Variants in FLNC observed in about 807,000 individuals in gnomAD.
FLNC encodes filamin-C.
A neutral mutation model predicts 254.3 loss-of-function variants in FLNC; 91 were observed. That is an observed-to-expected ratio of 0.36 (90% CI 0.30 to 0.43). The LOEUF is 0.43. Among genes scored for constraint, FLNC ranks in the 20% least tolerant of loss-of-function variants. The probability of loss-of-function intolerance (pLI) is 1.00; values close to 1 mark genes in which losing one functional copy is unlikely to be tolerated. For missense variants in FLNC, 2,853 were observed against 3,802.6 expected, an observed-to-expected ratio of 0.75 and a Z score of 6.57; for synonymous variants, 1,430 against 1,577.2, an observed-to-expected ratio of 0.91 and a Z score of 2.21.
In FLNC at chr7:128,856,071, C is replaced by T. The variant is rs1405618914; in HGVS notation, c.7252-447C>T. ...TCCCCGATGCAGGCTCCAATCCCTC[C>T]CCCAGAGCCCTTCTGTGCTTCTTCT... On this transcript the variant is annotated intron_variant, in intron 43 of 47. Coordinates refer to ENST00000325888, the MANE Select transcript of FLNC (RefSeq NM_001458.5). The surrounding 1 kb of genome is among the most constrained non-coding windows in gnomAD (Gnocchi z 5.9). Among the ~76,000 whole-genome samples the T allele has an allele frequency of 6.6e-6, 1 of 152,200 alleles. No homozygotes were observed. Among genetic ancestry groups the T allele is most frequent in the African/African-American group, 2.4e-5 (1 of 41,450 alleles).
chr7:128,841,174 C>T lies in FLNC; in HGVS notation c.1818C>T (p.Phe606=), dbSNP rs1404509377. ...AIGTEVGTLG[F]SIEGPSQAKI... is the part of the protein sequence containing the mutation. ...CCCTCCCCCACCTTGCCCCAGGCTT[C>T]TCCATCGAGGGGCCCTCACAAGCCA... is the stretch of plus-strand genomic sequence containing the variant. The change falls in exon 12 of 48, where the codon TTC becomes TTT. Residue 606 remains phenylalanine, a synonymous_variant. Coordinates refer to ENST00000325888, the MANE Select transcript of FLNC (RefSeq NM_001458.5). The surrounding 1 kb of genome is among the most constrained non-coding windows in gnomAD (Gnocchi z 4.3). 3.7e-6 allele frequency: 6 copies of T among 1,613,680 alleles called. No homozygotes were observed. Among genetic ancestry groups the T allele is most frequent in the Non-Finnish European group, 5.1e-6 (6 of 1,179,976 alleles).
intron 7 of FLNC, 43 bp downstream of exon 7, chr7:128,838,472 A>C: frequency 8.9e-6 from 9 of 1,005,842 alleles, no homozygotes; most frequent in Non-Finnish European, 1.0e-5. Flanking sequence ...GCCCCTGACC[A>C]TGTGGGGCTG....
rs538919918 is a variant in FLNC at position 128,845,637 on chromosome 7, C to A, written c.3791-353C>A. On this transcript the variant is annotated intron_variant, in intron 21 of 47. Coordinates refer to ENST00000325888, the MANE Select transcript of FLNC (RefSeq NM_001458.5). ...AAGACAGTAAGTGGGAATGGGCCAT[C>A]TGCCAGGGGCCAGACCCTGGCTAGG... Among the ~76,000 whole-genome samples, 3 of 152,266 alleles carry A rather than the reference C, an allele frequency of 2.0e-5. No homozygotes were observed. The South Asian group carries it at 6.2e-4, about 32-fold the overall frequency.
Position 128,830,606 on chromosome 7 carries a change from T to TAGCCACGGCCGCACCCCC in FLNC, c.-28_-27insACGGCCGCACCCCCAGCC. The TAGCCACGGCCGCACCCCC allele has an allele frequency of 6.2e-7, 1 of 1,601,752 alleles. No homozygotes were observed. The highest frequency in any genetic ancestry group is 8.5e-7 in the Non-Finnish European group (1 of 1,172,326). On this transcript the variant is annotated 5_prime_UTR_variant, in exon 1 of 48. Coordinates refer to ENST00000325888, the MANE Select transcript of FLNC (RefSeq NM_001458.5). ...CCCCCGATAGCCCAAACCGCGGCCC[T>TAGCCACGGCCGCACCCCC]AGCCCCGGCCGCACCCCCAGCCCGC... is the stretch of plus-strand genomic sequence containing the variant.
chr7:128,849,308 G>A (rs772387688), intron 29 of FLNC, 23 bp from the exon 30 acceptor site: 7 of 1,614,056 alleles, frequency 4.3e-6, no homozygotes, highest in Non-Finnish European at 5.1e-6. Context: ...CCAGCTCCCT[G>A]AGCAGGATCT....
chr7:128,855,393 C>T, intron 43 of FLNC, 79 bp downstream of exon 43: 1 of 940,418 alleles, frequency 1.1e-6, no homozygotes, highest in South Asian at 1.3e-5. Flanking sequence ...GTCCATGGGG[C>T]CAGGGATTTA....
At chr7:128,845,294 G>A in intron 21 of FLNC, 39 bp downstream of exon 21, 3 of 1,538,528 alleles carry the variant, frequency 1.9e-6, no homozygotes, top group Non-Finnish European at 1.8e-6. Context: ...TCAAGTGGCA[G>A]GTGCAGGAGC....
intron 10 of FLNC, 24 bp from the exon 11 acceptor site, chr7:128,840,810 G>A (rs1304970365): frequency 1.9e-6 from 3 of 1,613,822 alleles, no homozygotes; most frequent in Non-Finnish European, 2.5e-6. Context: ...TCCTGGCATG[G>A]ACACCAGCTC....
intron 18 of FLNC, 39 bp downstream of exon 18, chr7:128,843,616 C>T (rs370830620): frequency 1.5e-5 from 24 of 1,610,796 alleles, no homozygotes; most frequent in African/African-American, 1.3e-4. Flanking sequence ...CCGGCCGGCC[C>T]GCCAGAGCCC....
In FLNC at chr7:128,846,915, G is replaced by GA; in HGVS notation, c.4288+11dup. The GA allele has an allele frequency of 6.2e-7, 1 of 1,614,174 alleles. No individual in the cohort carries two copies. The highest frequency in any genetic ancestry group is 2.2e-5 in the East Asian group (1 of 44,892). On this transcript the variant is annotated intron_variant, in intron 24 of 47. Transcript: ENST00000325888. The stretch of plus-strand genomic sequence containing the variant: ...GGGCGGCCCATCCCAGGTGTGCAGA[G>GA]AGAGTGGTCGGGGTCTCAGGGAAGA...
At position 128,858,845 on chromosome 7, in the gene FLNC, G is replaced by A. The variant is rs1487948536; in HGVS notation, c.*322G>A. The A allele has an allele frequency of 2.2e-5, 10 of 447,352 alleles. No individual in the cohort carries two copies. The East Asian group carries it at 3.5e-4, about 15-fold the overall frequency. 27.7% of individuals were successfully genotyped at this position (447,352 alleles called of 1,614,324 possible). A position where few individuals can be genotyped will look rare whatever the true frequency, so the allele number is the denominator to read the frequency against. ...CAGGGAAGCCCTGAGTTTCTGGCGG[G>A]GCTGAGCAGTGGGGGAGCATTGTGT... On this transcript the variant is annotated 3_prime_UTR_variant, in exon 48 of 48. Coordinates refer to ENST00000325888, the MANE Select transcript of FLNC (RefSeq NM_001458.5). This position sits in a 1 kb window ranked among gnomAD's most constrained non-coding sequence, Gnocchi z 6.7.
chr7:128,843,397 T>C lies in FLNC; in HGVS notation c.2642-11T>C, dbSNP rs770912131. On this transcript the variant is annotated splice_polypyrimidine_tract_variant and intron_variant, in intron 17 of 47. Coordinates refer to ENST00000325888, the MANE Select transcript of FLNC (RefSeq NM_001458.5). ...GCCAGGCCCTCACCACATCTCTGGGTGGGTCCTCAGGTGTGGAAGTCGGGA... is the reference window on the plus strand; with the variant it reads ...GCCAGGCCCTCACCACATCTCTGGGCGGGTCCTCAGGTGTGGAAGTCGGGA... 2 of 1,613,906 alleles carry C rather than the reference T, an allele frequency of 1.2e-6. No homozygotes were observed. Among genetic ancestry groups the C allele is most frequent in the Non-Finnish European group, 8.5e-7 (1 of 1,179,972 alleles).
Position 128,840,080 on chromosome 7 carries a change from G to A in FLNC, c.1469G>A (p.Arg490His), listed in dbSNP as rs1046320257. The A allele has an allele frequency of 7.4e-6, 12 of 1,614,030 alleles. No individual in the cohort carries two copies. The highest frequency in any genetic ancestry group is 3.3e-5 in the Admixed American group (2 of 60,018). Residue 490 changes from arginine to histidine, a missense_variant, in exon 9 of 48, where the codon CGC becomes CAC. Around this residue, in one of 10 missense-constraint regions of FLNC, gnomAD observed 1,573 missense variants for 1,883.5 expected, o/e 0.84. Coordinates refer to ENST00000325888, the MANE Select transcript of FLNC (RefSeq NM_001458.5). The stretch of plus-strand genomic sequence containing the variant: ...CGAGGCCTGCAGCCCAAGGGTGTTC[G>A]CGTGAAAGAGGTGGCTGACTTCAAG... ...SGRGLQPKGV[R>H]VKEVADFKVF... is the part of the protein sequence containing the mutation.
rs3816885 is a variant in FLNC at position 128,855,284 on chromosome 7, C to A, written c.7221C>A (p.Asp2407Glu). The A allele has an allele frequency of 6.2e-7, 1 of 1,612,518 alleles. No individual in the cohort carries two copies. The highest frequency in any genetic ancestry group is 8.5e-7 in the Non-Finnish European group (1 of 1,179,028). ...TGCCTGTGGCCTCCCTCTCGGATGA[C>A]GCTCGCCGTCTCACTGTCACCAGCC... ...FVVPVASLSD[D>E]ARRLTVTSLQ... The change falls in exon 43 of 48, where the codon GAC (aspartate) becomes GAA (glutamate). Residue 2407 changes from aspartate to glutamate, a missense_variant. Around this residue, in one of 10 missense-constraint regions of FLNC, gnomAD observed 551 missense variants for 835.0 expected, o/e 0.66. Coordinates refer to ENST00000325888, the MANE Select transcript of FLNC (RefSeq NM_001458.5).
At chr7:128,838,824 C>A (rs778903801) in intron 8 of FLNC, 21 bp downstream of exon 8, 2 of 1,606,820 alleles carry the variant, frequency 1.2e-6, no homozygotes, top group South Asian at 2.2e-5. Context: ...TTCACTGCTC[C>A]CCACGGTAGC....
At chr7:128,849,872 C>T (rs1808730034) in intron 30 of FLNC, 104 bp from the exon 31 acceptor site, 1 of 904,156 alleles carries the variant, frequency 1.1e-6, no homozygotes, top group Non-Finnish European at 1.8e-6. Context: ...AGGATGAACA[C>T]CCAAATTATC....
intron 18 of FLNC, 64 bp from the exon 19 acceptor site, chr7:128,843,732 C>T (rs998450747): frequency 2.0e-6 from 3 of 1,531,772 alleles, no homozygotes; most frequent in African/African-American, 2.7e-5. Flanking sequence ...AGCCCATATT[C>T]ACCACCAGGA....
At chr7:128,845,364 A>C in intron 21 of FLNC, 109 bp downstream of exon 21, 1 of 884,426 alleles carries the variant, frequency 1.1e-6, no homozygotes, top group East Asian at 2.6e-5. Flanking sequence ...ACCTGGGGTG[A>C]AGGGAGGGCT....
At position 128,854,483 on chromosome 7, in the gene FLNC, C is replaced by G. The variant is rs754105222; in HGVS notation, c.6798C>G (p.Ile2266Met). 6.2e-7 allele frequency: 1 copy of G among 1,607,004 alleles called. No homozygotes were observed. Among genetic ancestry groups the G allele is most frequent in the Non-Finnish European group, 8.5e-7 (1 of 1,177,216 alleles). Residue 2266 changes from isoleucine (I) to methionine (M), a missense_variant, in exon 41 of 48, where the codon ATC (isoleucine) becomes ATG (methionine). Physicochemically the swap from Ile to Met is conservative, Grantham distance 10. Coordinates refer to ENST00000325888, the MANE Select transcript of FLNC (RefSeq NM_001458.5). ...CGGGCAAGGTGGAAGCCGCAGAGAT[C>G]GTCGAGGGCGAGGACAGCGCCTACA... is the stretch of plus-strand genomic sequence containing the variant. ...SPSGKVEAAE[I>M]VEGEDSAYSV... is the part of the protein sequence containing the mutation.
Sources: allele counts gnomAD v4.1 joint callset (sites outside exome capture counted in the v4.1 genomes callset), GRCh38; gene constraint gnomAD v4.1.1; regional missense constraint gnomAD v4.1.1; non-coding constraint Gnocchi (gnomAD v3.1); transcripts MANE v1.5; gene names NCBI Gene and HGNC (gene_info 2026-07-23, HGNC 2026-07-21).